Variants in TMC1 observed in about 807,000 individuals in gnomAD.
TMC1 encodes transmembrane channel like 1.
In TMC1, 84 loss-of-function variants were observed where a neutral mutation model predicts 105.8. The observed-to-expected ratio is 0.79, with a 90% CI of 0.67 to 0.95. TMC1 has a LOEUF of 0.95. Among genes scored for constraint, TMC1 ranks in the 40% least tolerant of loss-of-function variants. The probability of loss-of-function intolerance (pLI) is 0.00; values close to 1 mark genes in which losing one functional copy is unlikely to be tolerated. For synonymous variants in TMC1, 315 were observed against 311.5 expected (o/e 1.01, Z -0.12); for missense variants, 817 against 914.1 (o/e 0.89, Z 1.37).
Position 72,816,193 on chromosome 9 carries a change from C to G in TMC1, c.1746C>G (p.Phe582Leu). Residue 582 changes from phenylalanine (F) to leucine (L), a missense_variant, in exon 19 of 24, where the codon TTC becomes TTG. By Grantham distance (22) the Phe-to-Leu change is conservative. Coordinates refer to ENST00000297784, the MANE Select transcript of TMC1 (RefSeq NM_138691.3). ...GTGGCAACGTCCTCGCTCTGATCTT[C>G]AACCAAGGCATGATCTGGTAGGCCA... ...DISGNVLALI[F>L]NQGMIWMGSF... 1 of 1,613,602 alleles carries G rather than the reference C, an allele frequency of 6.2e-7. No homozygotes were observed. Among genetic ancestry groups the G allele is most frequent in the Non-Finnish European group, 8.5e-7 (1 of 1,179,578 alleles).
intron 8 of TMC1, among the ~76,000 whole-genome samples, chr9:72,739,670 AG>A (rs980084290): frequency 9.9e-5 from 15 of 152,242 alleles, no homozygotes; most frequent in Non-Finnish European, 1.9e-4. Flanking sequence ...ATTAAGTACC[AG>A]GTCATTAAGT....
intron 1 of TMC1, among the ~76,000 whole-genome samples, chr9:72,541,980 C>A (rs995912780): frequency 3.3e-5 from 5 of 152,030 alleles, no homozygotes; most frequent in South Asian, 2.1e-4. Context: ...ACACAAAAAA[C>A]CAAAAATAAA....
rs560929911 is a variant in TMC1, at chr9:72,527,594, C to T, written c.-428+5681C>T. ...TCCTCCTGCTCCTCCTGTTGCTGGC[C>T]TCTCTGTTGTGGTTGCCAGCGCTAC... On this transcript the variant is annotated intron_variant, in intron 1 of 23. Coordinates refer to ENST00000297784, the MANE Select transcript of TMC1 (RefSeq NM_138691.3). 2.0e-5 allele frequency among the ~76,000 whole-genome samples: 3 copies of T among 152,298 alleles called. No individual in the cohort carries two copies. In the East Asian group the frequency reaches 5.8e-4, roughly 29 times the overall value.
At chr9:72,629,648 A>T (rs1226052745) in intron 4 of TMC1, among the ~76,000 whole-genome samples, 1 of 152,152 alleles carries the variant, frequency 6.6e-6, no homozygotes, top group Non-Finnish European at 1.5e-5. Flanking sequence ...AACAACATAG[A>T]CAAAATCAAA....
intron 2 of TMC1, among the ~76,000 whole-genome samples, chr9:72,601,518 G>A (rs777386871): frequency 1.1e-4 from 16 of 152,022 alleles, no homozygotes; most frequent in African/African-American, 1.9e-4. Flanking sequence ...AGTGGTGGGC[G>A]CTTGTAATCC....
chr9:72,766,729 T>G (rs1827844807), intron 12 of TMC1, among the ~76,000 whole-genome samples: 1 of 152,184 alleles, frequency 6.6e-6, no homozygotes, highest in African/African-American at 2.4e-5. Flanking sequence ...CTTGATTCCC[T>G]CTGCTGAAAA....
intron 8 of TMC1, among the ~76,000 whole-genome samples, chr9:72,713,035 G>A (rs1319371374): frequency 6.6e-6 from 1 of 152,156 alleles, no homozygotes; most frequent in African/African-American, 2.4e-5. Flanking sequence ...AGATAATCAT[G>A]TGGTTTTTGT....
At chr9:72,638,863 C>G (rs1295895523) in intron 4 of TMC1, among the ~76,000 whole-genome samples, 1 of 152,260 alleles carries the variant, frequency 6.6e-6, no homozygotes, top group East Asian at 1.9e-4. Context: ...TTAATTCCTT[C>G]TCACTCCCTG....
At chr9:72,826,780 A>G (rs1828962704) in intron 20 of TMC1, 89 bp from the exon 21 acceptor site, 3 of 1,411,638 alleles carry the variant, frequency 2.1e-6, no homozygotes, top group African/African-American at 1.4e-5. Context: ...CTAAGCAGTA[A>G]TTGAGAAAGA....
chr9:72,693,582 A>G (rs1041808933), intron 6 of TMC1, among the ~76,000 whole-genome samples: 4 of 152,156 alleles, frequency 2.6e-5, no homozygotes, highest in African/African-American at 7.2e-5. Context: ...CAGATAATTC[A>G]TAGTTTTCCA....
At chr9:72,720,754 A>T (rs1444821) in intron 8 of TMC1, among the ~76,000 whole-genome samples, 3,694 of 152,300 alleles carry the variant, frequency 0.024, 80 homozygotes, top group Middle Eastern at 0.044. Context: ...CTCAGTCCCA[A>T]AGTGTCAGGA....
At chr9:72,795,841 G>A (rs1185018991) in intron 17 of TMC1, among the ~76,000 whole-genome samples, 3 of 150,318 alleles carry the variant, frequency 2.0e-5, no homozygotes, top group African/African-American at 7.3e-5. Flanking sequence ...CATTTAAAAG[G>A]CACAGAGTAG....
chr9:72,532,499 C>G (rs1408488637), intron 1 of TMC1, among the ~76,000 whole-genome samples: 1 of 122,406 alleles, frequency 8.2e-6, no homozygotes, highest in Non-Finnish European at 1.6e-5. Context: ...CGAGATCGTG[C>G]CACTGTACTC....
At chr9:72,672,009 C>A (rs1826132840) in intron 5 of TMC1, among the ~76,000 whole-genome samples, 1 of 152,168 alleles carries the variant, frequency 6.6e-6, no homozygotes, top group Admixed American at 6.5e-5. Context: ...TTTACTGTAA[C>A]ATTCCAGGAA....
chr9:72,712,211 C>T (rs1826848861), intron 8 of TMC1, among the ~76,000 whole-genome samples: 1 of 152,086 alleles, frequency 6.6e-6, no homozygotes, highest in South Asian at 2.1e-4. Flanking sequence ...GTGATGCCTC[C>T]AGCTTTGTTC....
chr9:72,688,646 A>G, intron 5 of TMC1, 63 bp from the exon 6 acceptor site: 2 of 1,438,104 alleles, frequency 1.4e-6, no homozygotes, highest in East Asian at 2.3e-5. Flanking sequence ...AAAAGTAAAA[A>G]CCACTTACTA....
At chr9:72,696,172 C>T (rs1049088393) in intron 7 of TMC1, among the ~76,000 whole-genome samples, 2 of 152,160 alleles carry the variant, frequency 1.3e-5, no homozygotes, top group African/African-American at 2.4e-5. Context: ...CTGCTCTCTT[C>T]GTCTGCTGAT....
chr9:72,626,902 CCATCA>C (rs560658416), intron 3 of TMC1, among the ~76,000 whole-genome samples: 1 of 152,056 alleles, frequency 6.6e-6, no homozygotes, highest in Non-Finnish European at 1.5e-5. Flanking sequence ...ATGCATTAAA[CCATCA>C]CATCACATCA....
rs572200189 is a variant in TMC1 at position 72,819,221 on chromosome 9, G to A, written c.1764-1621G>A. 1.1e-4 allele frequency among the ~76,000 whole-genome samples: 17 copies of A among 152,258 alleles called. No homozygotes were observed. The East Asian group carries it at 2.5e-3, about 22-fold the overall frequency. ...CACACTAGCAGAGAATGAAGAGAAG[G>A]AAAACCACACAGGACTTTTAAAGTT... is the stretch of plus-strand genomic sequence containing the variant. On this transcript the variant is annotated intron_variant, in intron 19 of 23. Coordinates refer to ENST00000297784, the MANE Select transcript of TMC1 (RefSeq NM_138691.3).
Sources: allele counts gnomAD v4.1 joint callset (sites outside exome capture counted in the v4.1 genomes callset), GRCh38; gene constraint gnomAD v4.1.1; transcripts MANE v1.5; gene names NCBI Gene and HGNC (gene_info 2026-07-23, HGNC 2026-07-21).